The following POFUT3 variants were observed in gnomAD, a reference collection of about 807,000 sequenced individuals.
POFUT3 encodes GDP-fucose protein O-fucosyltransferase 3.
At chr8:33,321,736 A>G in the POFUT3 span, among the ~76,000 whole-genome samples, 1 of 152,126 alleles carries the variant, frequency 6.6e-6, no homozygotes, top group Non-Finnish European at 1.5e-5. Context: ...CAAACTAACA[A>G]GTATTCCTTA....
the POFUT3 span, among the ~76,000 whole-genome samples, chr8:33,309,549 C>T: frequency 1.3e-5 from 2 of 151,908 alleles, no homozygotes; most frequent in African/African-American, 2.4e-5. Context: ...CTCTGCTGAC[C>T]GGCCCAGTGA....
At chr8:33,439,285 C>G in the POFUT3 span, among the ~76,000 whole-genome samples, 2 of 152,102 alleles carry the variant, frequency 1.3e-5, no homozygotes, top group African/African-American at 4.8e-5. Context: ...TGCCTGTAAT[C>G]CCAGCTACTC....
the POFUT3 span, among the ~76,000 whole-genome samples, chr8:33,355,160 C>A: frequency 6.6e-6 from 1 of 152,292 alleles, no homozygotes; most frequent in South Asian, 2.1e-4. Context: ...AAGGCTAACA[C>A]AGCTGCTGCA....
At chr8:33,453,389 A>G in the POFUT3 span, 2 of 1,614,180 alleles carry the variant, frequency 1.2e-6, no homozygotes, top group Non-Finnish European at 1.7e-6. Flanking sequence ...GTTGAAGGTC[A>G]ATCCTTCTTT....
chr8:33,461,196 AGGGAGGGAGGGAGGG>A, the POFUT3 span, among the ~76,000 whole-genome samples: 52 of 1,898 alleles, frequency 0.027, no homozygotes, highest in Non-Finnish European at 0.041. Flanking sequence ...GAAGGAAGGG[AGGGAGGGAGGGAGGG>A]AGGGAGGGAG....
chr8:33,389,401 A>C, the POFUT3 span: 2 of 1,614,108 alleles, frequency 1.2e-6, no homozygotes, highest in Non-Finnish European at 1.7e-6. Flanking sequence ...TAGAGGCTGG[A>C]TTTTTCAGCT....
the POFUT3 span, chr8:33,451,850 G>C: frequency 6.6e-6 from 1 of 152,156 alleles, no homozygotes; most frequent in African/African-American, 2.4e-5. Flanking sequence ...GCAGGATGGA[G>C]TGAGTGCCAG....
the POFUT3 span, among the ~76,000 whole-genome samples, chr8:33,320,947 G>A: frequency 1.3e-5 from 2 of 152,054 alleles, no homozygotes; most frequent in Admixed American, 1.3e-4. Context: ...ATAAGGGCAG[G>A]AATACTGGGA....
chr8:33,370,539 T>C, the POFUT3 span, among the ~76,000 whole-genome samples: 1 of 152,110 alleles, frequency 6.6e-6, no homozygotes, highest in Admixed American at 6.6e-5. Context: ...TATGGCAAAA[T>C]GGGATCAACA....
the POFUT3 span, among the ~76,000 whole-genome samples, chr8:33,359,461 C>G: frequency 6.6e-6 from 1 of 151,966 alleles, no homozygotes. Flanking sequence ...TTACTCCCAC[C>G]CTATAGAACA....
the POFUT3 span, among the ~76,000 whole-genome samples, chr8:33,308,067 T>G: frequency 6.6e-6 from 1 of 152,164 alleles, no homozygotes; most frequent in Admixed American, 6.5e-5. Flanking sequence ...ATAGTAACCA[T>G]GTATTTTGGG....
At chr8:33,468,255 A>AAAG in the POFUT3 span, among the ~76,000 whole-genome samples, 97 of 131,242 alleles carry the variant, frequency 7.4e-4, 2 homozygotes, top group East Asian at 1.3e-3. Flanking sequence ...AAAAAAAAAA[A>AAAG]AAGAAGAAGA....
the POFUT3 span, among the ~76,000 whole-genome samples, chr8:33,338,020 T>A: frequency 1.3e-5 from 2 of 152,198 alleles, no homozygotes; most frequent in Non-Finnish European, 2.9e-5. Flanking sequence ...CTTACCCTGA[T>A]ACCAAAGCAC....
the POFUT3 span, among the ~76,000 whole-genome samples, chr8:33,432,062 C>T: frequency 5.9e-5 from 9 of 151,966 alleles, no homozygotes; most frequent in Admixed American, 1.3e-4. Context: ...ATTTCTTGAG[C>T]CTAGGAGTAT....
chr8:33,374,023 C>A, the POFUT3 span, among the ~76,000 whole-genome samples: 1 of 152,158 alleles, frequency 6.6e-6, no homozygotes, highest in African/African-American at 2.4e-5. Flanking sequence ...TGTTCCCTGG[C>A]CTGTTAGGAA....
chr8:33,325,194 A>G, the POFUT3 span, among the ~76,000 whole-genome samples: 1 of 152,062 alleles, frequency 6.6e-6, no homozygotes, highest in Admixed American at 6.6e-5. Context: ...ATAGCCAACT[A>G]CCACACTTTT....
chr8:33,352,694 G>A, the POFUT3 span, among the ~76,000 whole-genome samples: 34 of 152,150 alleles, frequency 2.2e-4, no homozygotes, highest in Admixed American at 6.5e-4. Context: ...AAAGGGACAC[G>A]AATGGACAAT....
the POFUT3 span, among the ~76,000 whole-genome samples, chr8:33,426,889 C>T: frequency 5.9e-5 from 9 of 152,208 alleles, no homozygotes; most frequent in Non-Finnish European, 1.5e-5. Context: ...GACTCAGCCC[C>T]ACTCAGGGCT....
At chr8:33,369,543 C>T in the POFUT3 span, among the ~76,000 whole-genome samples, 3 of 152,292 alleles carry the variant, frequency 2.0e-5, no homozygotes, top group South Asian at 2.1e-4. Flanking sequence ...CCCAGTCTAT[C>T]GTATTCTGTT....
Sources: allele counts gnomAD v4.1 joint callset (sites outside exome capture counted in the v4.1 genomes callset), GRCh38; gene constraint gnomAD v4.1.1; transcripts MANE v1.5; gene names NCBI Gene and HGNC (gene_info 2026-07-23, HGNC 2026-07-21).